BCAR3: variants seen among roughly 807,000 people sequenced by gnomAD.
BCAR3 encodes BCAR3 adaptor protein, NSP family member, also known as breast cancer anti-estrogen resistance protein 3.
Under a neutral mutation model 80.1 loss-of-function variants are expected in BCAR3, and 37 were observed. The observed-to-expected ratio is 0.46, with a 90% CI of 0.36 to 0.61. The LOEUF (loss-of-function observed/expected upper bound fraction) is 0.61, where lower values mean the gene tolerates loss of function less well. BCAR3 is among the 20% of genes least tolerant of loss of function. The pLI is 0.00. For missense variants in BCAR3, 978 were observed against 1,068.2 expected, an observed-to-expected ratio of 0.92 and a Z score of 1.18; for synonymous variants, 389 against 418.9, an observed-to-expected ratio of 0.93 and a Z score of 0.87.
chr1:93,776,883 G>A (rs866028729), intron 2 of BCAR3, among the ~76,000 whole-genome samples: 1 of 152,124 alleles, frequency 6.6e-6, no homozygotes, highest in Non-Finnish European at 1.5e-5. Flanking sequence ...AAAAGGATAT[G>A]TTGAACATTT....
chr1:93,838,778 C>T (rs561186986), intron 2 of BCAR3, among the ~76,000 whole-genome samples: 19 of 152,150 alleles, frequency 1.2e-4, no homozygotes, highest in South Asian at 8.3e-4. Context: ...CAATTTCAGC[C>T]GGTGTATTTG....
intron 2 of BCAR3, among the ~76,000 whole-genome samples, chr1:93,732,777 C>T (rs1390633945): frequency 1.3e-5 from 2 of 152,286 alleles, no homozygotes; most frequent in Middle Eastern, 3.4e-3. Flanking sequence ...CTGCAGAAAA[C>T]AGCCTCAGGA....
Position 93,567,741 on chromosome 1 carries a change from T to G in BCAR3, c.2085A>C (p.Arg695Ser). The change falls in exon 10 of 12, where the codon AGA (arginine) becomes AGC (serine). Residue 695 changes from arginine (R) to serine (S), a missense_variant and splice_region_variant. Coordinates refer to ENST00000260502, the MANE Select transcript of BCAR3 (RefSeq NM_003567.4). ...TGCTTGCTCTGCCCACGTGCTCACC[T>G]CTGCCTTCATGCAGGAGTTTGCTGA... Reference protein sequence around the residue: ...KPFSKLLHEGRESTCVPPNNV... With the variant: ...KPFSKLLHEGSESTCVPPNNV... 1 of 1,613,330 alleles carries G rather than the reference T, an allele frequency of 6.2e-7. No individual in the cohort carries two copies. The highest frequency in any genetic ancestry group is 1.3e-5 in the African/African-American group (1 of 75,056).
chr1:93,582,185 G>A (rs888609888), intron 7 of BCAR3, 116 bp downstream of exon 7: 49 of 1,329,256 alleles, frequency 3.7e-5, no homozygotes, highest in Non-Finnish European at 4.9e-5. Context: ...GTGAGGCAGA[G>A]TGAGGCCAGA....
intron 2 of BCAR3, among the ~76,000 whole-genome samples, chr1:93,813,794 A>G (rs989875049): frequency 6.6e-6 from 1 of 152,248 alleles, no homozygotes; most frequent in Non-Finnish European, 1.5e-5. Context: ...AATTGTCCCA[A>G]TAATGTCCTT....
intron 4 of BCAR3, among the ~76,000 whole-genome samples, chr1:93,591,168 TAA>T (rs35143036): frequency 1.1e-3 from 70 of 66,324 alleles, no homozygotes; most frequent in African/African-American, 5.0e-3. Context: ...TCTACTACAT[TAA>T]AAAAAAAAAA....
chr1:93,749,681 C>G (rs1651484174), intron 2 of BCAR3, among the ~76,000 whole-genome samples: 2 of 151,882 alleles, frequency 1.3e-5, no homozygotes, highest in South Asian at 4.2e-4. Context: ...GGCGCCTTTA[C>G]TAGGAAATTC....
chr1:93,573,083 AGGAGAGACT>A (rs1673284871), intron 8 of BCAR3, among the ~76,000 whole-genome samples: 2 of 152,164 alleles, frequency 1.3e-5, no homozygotes, highest in African/African-American at 4.8e-5. Context: ...GGTTGTGAGA[AGGAGAGACT>A]GTGTATAGGT....
chr1:93,623,687 C>T (rs534604393), intron 3 of BCAR3, among the ~76,000 whole-genome samples: 2 of 152,142 alleles, frequency 1.3e-5, no homozygotes, highest in Non-Finnish European at 2.9e-5. Context: ...GCCACTCCAC[C>T]CCTGCCCTTC....
intron 4 of BCAR3, chr1:93,590,345 A>G (rs1457561495): frequency 6.6e-6 from 1 of 152,218 alleles, no homozygotes; most frequent in African/African-American, 2.4e-5. Flanking sequence ...CTCTGGACAA[A>G]TTACATAATC....
chr1:93,628,031 G>A (rs1245828529), intron 3 of BCAR3, among the ~76,000 whole-genome samples: 1 of 151,918 alleles, frequency 6.6e-6, no homozygotes, highest in African/African-American at 2.4e-5. Flanking sequence ...AAAAACTTTC[G>A]GTTGCCAAGA....
At chr1:93,772,629 G>A (rs1652398372) in intron 2 of BCAR3, among the ~76,000 whole-genome samples, 1 of 151,716 alleles carries the variant, frequency 6.6e-6, no homozygotes, top group Non-Finnish European at 1.5e-5. Flanking sequence ...TTTTGAGATG[G>A]AATCTCACTC....
chr1:93,823,689 T>C (rs758963560), intron 2 of BCAR3, among the ~76,000 whole-genome samples: 3 of 133,622 alleles, frequency 2.2e-5, no homozygotes, highest in Non-Finnish European at 5.1e-5. Context: ...AAGTATCTCA[T>C]TGTTTTTTGT....
intron 2 of BCAR3, among the ~76,000 whole-genome samples, chr1:93,778,853 A>G (rs192894470): frequency 1.1e-4 from 16 of 152,324 alleles, no homozygotes; most frequent in Admixed American, 5.9e-4. Context: ...TCATTAAACC[A>G]TTATACAATC....
intron 3 of BCAR3, among the ~76,000 whole-genome samples, chr1:93,615,755 C>G (rs1675100416): frequency 6.6e-6 from 1 of 152,164 alleles, no homozygotes; most frequent in African/African-American, 2.4e-5. Context: ...AGGCCCAGGC[C>G]CCAGCAGTTC....
chr1:93,788,931 T>C (rs1281860496), intron 2 of BCAR3, among the ~76,000 whole-genome samples: 1 of 152,134 alleles, frequency 6.6e-6, no homozygotes, highest in Admixed American at 6.6e-5. Flanking sequence ...GTGATTTTAG[T>C]AAAAATAATA....
chr1:93,767,128 T>C (rs1010769589), intron 2 of BCAR3, among the ~76,000 whole-genome samples: 5 of 152,192 alleles, frequency 3.3e-5, no homozygotes, highest in African/African-American at 7.2e-5. Flanking sequence ...TCAAGATCCA[T>C]CTTTAACACA....
intron 9 of BCAR3, among the ~76,000 whole-genome samples, chr1:93,571,267 G>C (rs550652059): frequency 6.6e-6 from 1 of 151,738 alleles, no homozygotes; most frequent in East Asian, 1.9e-4. Flanking sequence ...CCAGCACTTC[G>C]GGAGGCTGAG....
chr1:93,659,999 C>T (rs1647574175), intron 2 of BCAR3, among the ~76,000 whole-genome samples: 1 of 152,122 alleles, frequency 6.6e-6, no homozygotes, highest in African/African-American at 2.4e-5. Context: ...ACACTGTATT[C>T]ACCTTTGTAC....
Sources: gnomAD v4.1 joint callset for allele counts (sites outside exome capture counted in the v4.1 genomes callset) on GRCh38, gnomAD v4.1.1 for gene constraint, MANE v1.5 for transcripts, NCBI Gene and HGNC (gene_info 2026-07-23, HGNC 2026-07-21) for gene names.